Variants in TAF3 observed in about 807,000 individuals in gnomAD.
TAF3 encodes the protein transcription initiation factor TFIID subunit 3.
In TAF3, 7 loss-of-function variants were observed where a neutral mutation model predicts 80.6. That is an observed-to-expected ratio of 0.09 (90% confidence interval 0.05 to 0.16). The LOEUF is 0.16. TAF3 is among the 10% of genes least tolerant of loss of function. The pLI is 1.00. For synonymous variants in TAF3, 444 were observed against 446.1 expected, an observed-to-expected ratio of 1.00 and a Z score of 0.06; for missense variants, 921 against 1,140.2, an observed-to-expected ratio of 0.81 and a Z score of 2.77.
chr10:7,883,216 T>C (rs1230736660), intron 2 of TAF3, among the ~76,000 whole-genome samples: 1 of 152,258 alleles, frequency 6.6e-6, no homozygotes, highest in Admixed American at 6.5e-5. Context: ...CCTTTCTCTT[T>C]AGTTCTTCAA....
rs1277979288 is a variant in TAF3 at position 7,965,626 on chromosome 10, AAGG to A, written c.2119_2121del (p.Glu707del). 4 of 1,602,218 alleles carry A rather than the reference AAGG, an allele frequency of 2.5e-6. No homozygotes were observed. The highest frequency in any genetic ancestry group is 3.4e-6 in the Non-Finnish European group (4 of 1,176,644). ...GGAGAAAGAAAAGAAAAAGGACAAA[AAGG>A]AGAAGAAGAAAAAGAAGGAAAAAGA... On this transcript the variant is annotated inframe_deletion, in exon 3 of 7. Transcript: ENST00000344293.
At chr10:7,833,558 C>A in intron 2 of TAF3, 1 of 153,922 alleles carries the variant, frequency 6.5e-6, no homozygotes. Context: ...TTCTTTTTTC[C>A]TTTTTTGGGG....
chr10:7,931,355 T>A (rs1431621823), intron 2 of TAF3, among the ~76,000 whole-genome samples: 1 of 152,166 alleles, frequency 6.6e-6, no homozygotes, highest in Non-Finnish European at 1.5e-5. Flanking sequence ...CTAACCACTA[T>A]GCCATATTTA....
intron 2 of TAF3, among the ~76,000 whole-genome samples, chr10:7,932,870 G>C (rs1837881672): frequency 6.6e-6 from 1 of 151,582 alleles, no homozygotes; most frequent in Non-Finnish European, 1.5e-5. Flanking sequence ...GTGTGGACGG[G>C]GATCTCAATA....
chr10:8,016,275 TA>T lies in TAF3; in HGVS notation c.*1527del, dbSNP rs2131445398. On this transcript the variant is annotated 3_prime_UTR_variant, in exon 7 of 7. Coordinates refer to ENST00000344293, the MANE Select transcript of TAF3 (RefSeq NM_031923.4). Reference sequence around the variant, plus strand: ...ATATTACTAGAAAATGTGATTTTTTTAAATGCCAAGTAAATTGATATTAGTG... The same window carrying T: ...ATATTACTAGAAAATGTGATTTTTTTAATGCCAAGTAAATTGATATTAGTG... 1 of 152,344 alleles carries T rather than the reference TA, an allele frequency of 6.6e-6. No homozygotes were observed. The highest frequency in any genetic ancestry group is 1.9e-4 in the East Asian group (1 of 5,184). The allele number at this position is 152,344 out of a possible 1,614,324, so 9.4% of individuals were successfully genotyped here.
chr10:7,975,900 T>C (rs1164770385), intron 3 of TAF3, among the ~76,000 whole-genome samples: 2 of 152,358 alleles, frequency 1.3e-5, no homozygotes, highest in Non-Finnish European at 2.9e-5. Flanking sequence ...AGTCAGTGAC[T>C]AACAGTAAAC....
At chr10:7,832,564 G>A (rs545024783) in intron 2 of TAF3, among the ~76,000 whole-genome samples, 1 of 150,050 alleles carries the variant, frequency 6.7e-6, no homozygotes, top group Non-Finnish European at 1.5e-5. Context: ...ATTTATTTTT[G>A]AGACAGTCTC....
At chr10:7,940,639 G>GA (rs1307105010) in intron 2 of TAF3, among the ~76,000 whole-genome samples, 4 of 152,186 alleles carry the variant, frequency 2.6e-5, no homozygotes, top group African/African-American at 9.6e-5. Flanking sequence ...AAGTAGATAA[G>GA]AAAAAAAGCA....
At chr10:7,946,677 T>A (rs561852182) in intron 2 of TAF3, among the ~76,000 whole-genome samples, 70 of 151,872 alleles carry the variant, frequency 4.6e-4, no homozygotes, top group African/African-American at 1.6e-3. Context: ...GAGCCATGAT[T>A]GTGCCACTGC....
intron 2 of TAF3, among the ~76,000 whole-genome samples, chr10:7,894,401 C>T (rs1474869194): frequency 1.3e-5 from 2 of 152,190 alleles, no homozygotes; most frequent in East Asian, 3.8e-4. Flanking sequence ...TACGTCTCAG[C>T]GCCATCTGGT....
chr10:7,910,651 G>T (rs1165388149), intron 2 of TAF3, among the ~76,000 whole-genome samples: 1 of 152,104 alleles, frequency 6.6e-6, no homozygotes, highest in East Asian at 1.9e-4. Context: ...AAAGTGCTGG[G>T]ATTACAGGTG....
At chr10:7,830,471 G>GTTT (rs1836787249) in intron 2 of TAF3, among the ~76,000 whole-genome samples, 9 of 67,254 alleles carry the variant, frequency 1.3e-4, no homozygotes, top group East Asian at 4.6e-4. Flanking sequence ...CACTTTACAT[G>GTTT]TCTTTTTTTT....
intron 2 of TAF3, among the ~76,000 whole-genome samples, chr10:7,919,538 G>A (rs530462259): frequency 1.7e-4 from 26 of 152,106 alleles, no homozygotes; most frequent in Non-Finnish European, 3.4e-4. Context: ...CAGTGGGAAC[G>A]GGGTTATAGT....
At chr10:7,990,789 C>G (rs1831825981) in intron 4 of TAF3, among the ~76,000 whole-genome samples, 1 of 152,106 alleles carries the variant, frequency 6.6e-6, no homozygotes, top group Non-Finnish European at 1.5e-5. Flanking sequence ...GGAAGAGGAG[C>G]ACAGGAGGTG....
intron 2 of TAF3, among the ~76,000 whole-genome samples, chr10:7,945,035 G>A (rs111465591): frequency 0.015 from 2,233 of 152,298 alleles, 30 homozygotes; most frequent in South Asian, 0.05. Flanking sequence ...CATAACTGTA[G>A]TTGTAATTTT....
intron 2 of TAF3, among the ~76,000 whole-genome samples, chr10:7,834,659 A>G (rs1168857204): frequency 2.0e-5 from 3 of 152,198 alleles, no homozygotes; most frequent in African/African-American, 4.8e-5. Context: ...TGTTACATCC[A>G]TAAATACTGT....
At chr10:7,897,057 T>C (rs1207187146) in intron 2 of TAF3, among the ~76,000 whole-genome samples, 1 of 152,224 alleles carries the variant, frequency 6.6e-6, no homozygotes, top group Non-Finnish European at 1.5e-5. Flanking sequence ...AGCAGTGACT[T>C]GTCAAATCCT....
At chr10:7,849,191 A>G (rs1051638726) in intron 2 of TAF3, among the ~76,000 whole-genome samples, 3 of 151,856 alleles carry the variant, frequency 2.0e-5, no homozygotes, top group African/African-American at 7.3e-5. Flanking sequence ...TTTTTTTCTT[A>G]TAGATGAGGG....
At chr10:8,007,349 A>G (rs889634300) in intron 4 of TAF3, among the ~76,000 whole-genome samples, 4 of 151,974 alleles carry the variant, frequency 2.6e-5, no homozygotes, top group Non-Finnish European at 5.9e-5. Context: ...GTAATGCAGT[A>G]TGTATTGTTT....
Sources: allele counts gnomAD v4.1 joint callset (sites outside exome capture counted in the v4.1 genomes callset), GRCh38; gene constraint gnomAD v4.1.1; transcripts MANE v1.5; gene names NCBI Gene and HGNC (gene_info 2026-07-23, HGNC 2026-07-21).